Variants in LHFPL3 observed in about 807,000 individuals in gnomAD.
LHFPL3 encodes the protein LHFPL tetraspan subfamily member 3.
Under a neutral mutation model 19.3 loss-of-function variants are expected in LHFPL3, and 5 were observed. That is an observed-to-expected ratio of 0.26 (90% CI 0.14 to 0.54). LHFPL3 has a LOEUF of 0.54. LHFPL3 is among the 20% of genes least tolerant of loss of function. The pLI is 0.94. For synonymous variants in LHFPL3, 133 were observed against 126.2 expected, an observed-to-expected ratio of 1.05 and a Z score of -0.36; for missense variants, 249 against 307.4, an observed-to-expected ratio of 0.81 and a Z score of 1.42.
chr7:104,610,724 A>G (rs1201693791), intron 1 of LHFPL3, among the ~76,000 whole-genome samples: 1 of 152,210 alleles, frequency 6.6e-6, no homozygotes, highest in Non-Finnish European at 1.5e-5. Context: ...ATTGGGGAGA[A>G]CAATCTGCTT....
chr7:104,741,693 A>G (rs1235365123), intron 2 of LHFPL3, among the ~76,000 whole-genome samples: 2 of 152,018 alleles, frequency 1.3e-5, no homozygotes, highest in Non-Finnish European at 2.9e-5. Flanking sequence ...GTGCCATCAC[A>G]TCCTGCTACA....
intron 1 of LHFPL3, among the ~76,000 whole-genome samples, chr7:104,626,619 A>G (rs1490754892): frequency 2.0e-5 from 3 of 152,144 alleles, no homozygotes; most frequent in African/African-American, 2.4e-5. Context: ...CAAATTACTT[A>G]ATGATGGAGC....
intron 1 of LHFPL3, among the ~76,000 whole-genome samples, chr7:104,495,339 C>T (rs967161568): frequency 2.0e-5 from 3 of 152,118 alleles, no homozygotes; most frequent in Non-Finnish European, 2.9e-5. Flanking sequence ...TCCCAAGTAG[C>T]TAGGACTACA....
At chr7:104,573,368 C>T (rs1478683601) in intron 1 of LHFPL3, among the ~76,000 whole-genome samples, 2 of 148,584 alleles carry the variant, frequency 1.3e-5, no homozygotes, top group Admixed American at 6.8e-5. Flanking sequence ...GCCGAGATCA[C>T]ACCACTGCAC....
chr7:104,730,840 T>C (rs138023777), intron 1 of LHFPL3, among the ~76,000 whole-genome samples: 3,467 of 152,332 alleles, frequency 0.023, 48 homozygotes, highest in Non-Finnish European at 0.031. Flanking sequence ...TCCTGAATTG[T>C]ATCGCCTAGG....
chr7:104,562,467 G>T (rs1240999788), intron 1 of LHFPL3, among the ~76,000 whole-genome samples: 2 of 151,980 alleles, frequency 1.3e-5, no homozygotes, highest in Non-Finnish European at 2.9e-5. Context: ...TCTTCCAATT[G>T]ATCGCATCGG....
intron 1 of LHFPL3, among the ~76,000 whole-genome samples, chr7:104,708,778 A>T (rs967545718): frequency 5.9e-5 from 9 of 152,140 alleles, no homozygotes; most frequent in African/African-American, 2.2e-4. Context: ...GTTAAATTAT[A>T]TGTTGTTACA....
rs933275383 is a variant in LHFPL3 at position 104,668,877 on chromosome 7, G to A, written c.446-67798G>A. 2.8e-5 allele frequency: 45 copies of A among 1,612,006 alleles called. No homozygotes were observed. In the African/African-American group the frequency reaches 4.8e-4, roughly 17 times the overall value. On this transcript the variant is annotated intron_variant, in intron 1 of 2. Coordinates refer to ENST00000424859, the MANE Select transcript of LHFPL3 (RefSeq NM_199000.3). Reference sequence around the variant, plus strand: ...GCTAGAGAAAGAGAAGTAGAAGAACGGCTACGAAGGAACAAGAGAAGTTGC... The same window carrying A: ...GCTAGAGAAAGAGAAGTAGAAGAACAGCTACGAAGGAACAAGAGAAGTTGC...
intron 1 of LHFPL3, among the ~76,000 whole-genome samples, chr7:104,390,230 C>T (rs1311023049): frequency 1.3e-5 from 2 of 151,864 alleles, no homozygotes; most frequent in Non-Finnish European, 2.9e-5. Flanking sequence ...GGTACATGTG[C>T]ACAACGTGCA....
chr7:104,583,522 C>G (rs1421170944), intron 1 of LHFPL3, among the ~76,000 whole-genome samples: 1 of 152,162 alleles, frequency 6.6e-6, no homozygotes, highest in African/African-American at 2.4e-5. Flanking sequence ...AGTAAACAGG[C>G]AACCTACAGA....
chr7:104,516,063 C>G (rs1793914077), intron 1 of LHFPL3, among the ~76,000 whole-genome samples: 1 of 152,060 alleles, frequency 6.6e-6, no homozygotes, highest in Non-Finnish European at 1.5e-5. Flanking sequence ...ATACCCAAGA[C>G]TGGGTAATTT....
chr7:104,516,198 GAGA>G (rs375324403), intron 1 of LHFPL3, among the ~76,000 whole-genome samples: 42 of 152,194 alleles, frequency 2.8e-4, no homozygotes, highest in African/African-American at 1.0e-3. Flanking sequence ...TGGCATCAAG[GAGA>G]AGTACAGAGC....
At chr7:104,348,315 G>A (rs760955014) in intron 1 of LHFPL3, among the ~76,000 whole-genome samples, 1 of 151,956 alleles carries the variant, frequency 6.6e-6, no homozygotes, top group Admixed American at 6.6e-5. Flanking sequence ...CTTGGGAGGC[G>A]GAGCTTGCAG....
intron 1 of LHFPL3, among the ~76,000 whole-genome samples, chr7:104,624,133 G>A (rs10487218): frequency 0.029 from 4,364 of 152,210 alleles, 78 homozygotes; most frequent in Middle Eastern, 0.054. Context: ...GGTTTTTCAG[G>A]CATTCAGGAA....
At chr7:104,420,947 G>C (rs1470304232) in intron 1 of LHFPL3, among the ~76,000 whole-genome samples, 1 of 152,176 alleles carries the variant, frequency 6.6e-6, no homozygotes, top group Non-Finnish European at 1.5e-5. Context: ...CAGAGAAAAG[G>C]ATCAGTTAGT....
chr7:104,859,349 A>G (rs1015684094), intron 2 of LHFPL3, among the ~76,000 whole-genome samples: 7 of 152,018 alleles, frequency 4.6e-5, no homozygotes, highest in African/African-American at 1.7e-4. Context: ...GAAAAAAATT[A>G]TTATGAATAC....
chr7:104,445,347 C>T (rs1014883680), intron 1 of LHFPL3, among the ~76,000 whole-genome samples: 13 of 152,198 alleles, frequency 8.5e-5, no homozygotes, highest in Non-Finnish European at 1.5e-5. Context: ...TCTGCAGCTT[C>T]CCTTCTTACT....
chr7:104,335,674 G>A (rs1419360696), intron 1 of LHFPL3, among the ~76,000 whole-genome samples: 1 of 151,962 alleles, frequency 6.6e-6, no homozygotes, highest in Non-Finnish European at 1.5e-5. Flanking sequence ...CTATATTTCC[G>A]TAAGTAAATA....
intron 1 of LHFPL3, among the ~76,000 whole-genome samples, chr7:104,354,698 G>C (rs1790240674): frequency 6.6e-6 from 1 of 152,102 alleles, no homozygotes; most frequent in African/African-American, 2.4e-5. Context: ...TCCAGTTCAG[G>C]AGATGAAGGT....
Sources: allele counts gnomAD v4.1 joint callset (sites outside exome capture counted in the v4.1 genomes callset), GRCh38; gene constraint gnomAD v4.1.1; transcripts MANE v1.5; gene names NCBI Gene and HGNC (gene_info 2026-07-23, HGNC 2026-07-21).